The following PCDHGB5 variants were observed in gnomAD, a reference collection of about 807,000 sequenced individuals.
The protein encoded by PCDHGB5 is protocadherin gamma-B5.
A neutral mutation model predicts 62.9 loss-of-function variants in PCDHGB5; 48 were observed. The ratio of observed to expected loss-of-function variants is 0.76; its 90% CI spans 0.61 to 0.97. The LOEUF (loss-of-function observed/expected upper bound fraction) is 0.97, where lower values mean the gene tolerates loss of function less well. Ranked by LOEUF, PCDHGB5 falls within the 50% of genes least tolerant of loss-of-function variation. PCDHGB5 has a pLI of 0.00. For synonymous variants in PCDHGB5, 474 were observed against 511.2 expected (o/e 0.93, Z 0.98); for missense variants, 1,118 against 1,198.6 (o/e 0.93, Z 0.99).
chr5:141,468,067 G>A (rs560511893), intron 1 of PCDHGB5, among the ~76,000 whole-genome samples: 34 of 152,032 alleles, frequency 2.2e-4, no homozygotes, highest in Non-Finnish European at 4.0e-4. Flanking sequence ...GCTCACACCT[G>A]TAATCCCAGC....
chr5:141,413,910 C>T, intron 1 of PCDHGB5: 1 of 1,613,376 alleles, frequency 6.2e-7, no homozygotes, highest in Non-Finnish European at 8.5e-7. Flanking sequence ...ACGCGCCGGT[C>T]TTCACCTTGC....
At chr5:141,465,467 C>T (rs2099103834) in intron 1 of PCDHGB5, among the ~76,000 whole-genome samples, 1 of 152,178 alleles carries the variant, frequency 6.6e-6, no homozygotes, top group Non-Finnish European at 1.5e-5. Flanking sequence ...CCAAATTGCC[C>T]TTGCTTCATG....
chr5:141,492,695 A>G (rs925499358), intron 1 of PCDHGB5, among the ~76,000 whole-genome samples: 14 of 152,214 alleles, frequency 9.2e-5, no homozygotes, highest in African/African-American at 3.1e-4. Context: ...CGACCCCTCA[A>G]CCCAGAAGCC....
chr5:141,439,680 A>T (rs1478261632), intron 1 of PCDHGB5, among the ~76,000 whole-genome samples: 1 of 152,236 alleles, frequency 6.6e-6, no homozygotes, highest in African/African-American at 2.4e-5. Context: ...ATCCAAGAGC[A>T]GACCCACAAC....
rs777247531 is a variant in PCDHGB5 at position 141,476,417 on chromosome 5, C to T, written c.2398-18390C>T. 3 of 1,614,112 alleles carry T rather than the reference C, an allele frequency of 1.9e-6. No homozygotes were observed. Among genetic ancestry groups the T allele is most frequent in the Admixed American group, 1.7e-5 (1 of 60,018 alleles). The stretch of plus-strand genomic sequence containing the variant: ...GGATCGAGAGGAGCTGTGTGGGACA[C>T]TGCCCTCTTGCACTGTAACTCTGGA... On this transcript the variant is annotated intron_variant, in intron 1 of 3. Coordinates refer to ENST00000617380, the MANE Select transcript of PCDHGB5 (RefSeq NM_018925.3). The surrounding 1 kb of genome is among the most constrained non-coding windows in gnomAD (Gnocchi z 7.6).
chr5:141,407,143 A>G (rs2154538062), intron 1 of PCDHGB5, among the ~76,000 whole-genome samples: 1 of 152,360 alleles, frequency 6.6e-6, no homozygotes, highest in East Asian at 1.9e-4. Flanking sequence ...AAGAAAAAAA[A>G]GCTGAAGTGT....
chr5:141,399,285 C>G lies in PCDHGB5; in HGVS notation c.1158C>G (p.Val386=), dbSNP rs751998465. Residue 386 remains valine (V), a synonymous_variant, in exon 1 of 4, where the codon GTC becomes GTG. Coordinates refer to ENST00000617380, the MANE Select transcript of PCDHGB5 (RefSeq NM_018925.3). ...GEVNCQLQGE[V]PFKIISSSKN... ...TTAATTGTCAATTACAAGGCGAAGTCCCTTTTAAGATTATCTCTTCATCCA... is the reference window on the plus strand; with the variant it reads ...TTAATTGTCAATTACAAGGCGAAGTGCCTTTTAAGATTATCTCTTCATCCA... 6.2e-7 allele frequency: 1 copy of G among 1,613,838 alleles called. No homozygotes were observed. The highest frequency in any genetic ancestry group is 8.5e-7 in the Non-Finnish European group (1 of 1,179,802).
chr5:141,432,991 C>T lies in PCDHGB5; in HGVS notation c.2397+32467C>T. ...CGGCGTCGCACTTTGTGGGCGTGGA[C>T]GGGGTGCAGGCTTTCCTGCAGACCT... is the stretch of plus-strand genomic sequence containing the variant. On this transcript the variant is annotated intron_variant, in intron 1 of 3. Coordinates refer to ENST00000617380, the MANE Select transcript of PCDHGB5 (RefSeq NM_018925.3). This position sits in a 1 kb window ranked among gnomAD's most constrained non-coding sequence, Gnocchi z 6.0. 6.2e-7 allele frequency: 1 copy of T among 1,614,200 alleles called. No individual in the cohort carries two copies. The highest frequency in any genetic ancestry group is 8.5e-7 in the Non-Finnish European group (1 of 1,180,030).
rs188827871 is a variant in PCDHGB5, at chr5:141,405,107, T to G, written c.2397+4583T>G. 137 of 1,613,998 alleles carry G rather than the reference T, an allele frequency of 8.5e-5. No homozygotes were observed. The Middle Eastern group carries it at 1.3e-3, about 16-fold the overall frequency. On this transcript the variant is annotated intron_variant, in intron 1 of 3. Coordinates refer to ENST00000617380, the MANE Select transcript of PCDHGB5 (RefSeq NM_018925.3). ...GCTGCTGGCCCTCAGGCTGAGGCAC[T>G]GGCACTCCTCGCATCTGCTGCGGGC...
At position 141,431,580 on chromosome 5, in the gene PCDHGB5, A is replaced by G. The variant is rs777990962; in HGVS notation, c.2397+31056A>G. ...GCTACCGACCCTGACGAAGGAGTCA[A>G]TGCGGAAGTGAGGTATTCCTTCCGG... On this transcript the variant is annotated intron_variant, in intron 1 of 3. Coordinates refer to ENST00000617380, the MANE Select transcript of PCDHGB5 (RefSeq NM_018925.3). The surrounding 1 kb of genome is among the most constrained non-coding windows in gnomAD (Gnocchi z 4.8). 1.2e-5 allele frequency: 19 copies of G among 1,614,098 alleles called. No homozygotes were observed. Among genetic ancestry groups the G allele is most frequent in the Non-Finnish European group, 1.5e-5 (18 of 1,180,040 alleles).
At chr5:141,449,212 GT>G (rs1405401595) in intron 1 of PCDHGB5, among the ~76,000 whole-genome samples, 1 of 152,134 alleles carries the variant, frequency 6.6e-6, no homozygotes, top group African/African-American at 2.4e-5. Context: ...CTAACTTTCT[GT>G]TTTGAAATGA....
In PCDHGB5 at chr5:141,491,925, G is replaced by A. The variant is rs1019181943; in HGVS notation, c.2398-2882G>A. 5 of 1,325,176 alleles carry A rather than the reference G, an allele frequency of 3.8e-6. No homozygotes were observed. In the Admixed American group the frequency reaches 1.5e-4, roughly 39 times the overall value. 82.1% of individuals were successfully genotyped at this position (1,325,176 alleles called of 1,614,324 possible). A position where few individuals can be genotyped will look rare whatever the true frequency, so the allele number is the denominator to read the frequency against. On this transcript the variant is annotated intron_variant, in intron 1 of 3. Coordinates refer to ENST00000617380, the MANE Select transcript of PCDHGB5 (RefSeq NM_018925.3). The surrounding 1 kb of genome is among the most constrained non-coding windows in gnomAD (Gnocchi z 6.9). ...GGGTGGTGGCGACTGTGGGCGAGGG[G>A]AGGTGGGACCGACCCCCACCCCTAC...
chr5:141,430,587 T>C, intron 1 of PCDHGB5: 1 of 521,996 alleles, frequency 1.9e-6, no homozygotes, highest in Non-Finnish European at 3.1e-6. Context: ...CCTGCTCGCC[T>C]TGCACGCGCC....
chr5:141,507,101 T>C (rs1341285140), intron 3 of PCDHGB5: 2 of 152,204 alleles, frequency 1.3e-5, no homozygotes, highest in African/African-American at 2.4e-5. Flanking sequence ...CTTTCTACTA[T>C]AGGGACCATG....
intron 1 of PCDHGB5, among the ~76,000 whole-genome samples, chr5:141,463,087 C>T (rs971667191): frequency 6.6e-6 from 1 of 152,120 alleles, no homozygotes; most frequent in Non-Finnish European, 1.5e-5. Context: ...CATTTTCCAG[C>T]CCTATGTGAC....
At chr5:141,418,717 C>G in intron 1 of PCDHGB5, 2 of 1,613,938 alleles carry the variant, frequency 1.2e-6, no homozygotes, top group Non-Finnish European at 1.7e-6. Context: ...GTGTGGCTGA[C>G]AAAGCTCAGC....
intron 1 of PCDHGB5, among the ~76,000 whole-genome samples, chr5:141,420,650 A>G (rs2096512866): frequency 6.6e-6 from 1 of 152,244 alleles, no homozygotes; most frequent in Non-Finnish European, 1.5e-5. Context: ...TGTAAGAATT[A>G]TAGTTAGGCA....
At chr5:141,471,078 T>C (rs1370939177) in intron 1 of PCDHGB5, among the ~76,000 whole-genome samples, 1 of 142,250 alleles carries the variant, frequency 7.0e-6, no homozygotes, top group Non-Finnish European at 1.5e-5. Context: ...AGACAGGGTC[T>C]CCCTCTGTTG....
chr5:141,415,772 T>TTTTA, intron 1 of PCDHGB5: 1 of 1,332,982 alleles, frequency 7.5e-7, no homozygotes, highest in Non-Finnish European at 9.6e-7. Context: ...TTTTTTTTTT[T>TTTTA]ACTTTCTGGT....
Sources: gnomAD v4.1 joint callset for allele counts (sites outside exome capture counted in the v4.1 genomes callset) on GRCh38, gnomAD v4.1.1 for gene constraint, Gnocchi (gnomAD v3.1) non-coding constraint, MANE v1.5 for transcripts, NCBI Gene and HGNC (gene_info 2026-07-23, HGNC 2026-07-21) for gene names.